Variants in SIK3 observed in about 807,000 individuals in gnomAD.
The protein encoded by SIK3 is serine/threonine-protein kinase SIK3.
Under a neutral mutation model 144.2 loss-of-function variants are expected in SIK3, and 28 were observed. That is an observed-to-expected ratio of 0.19 (90% CI 0.14 to 0.27). SIK3 has a LOEUF of 0.27. Ranked by LOEUF, SIK3 falls within the 10% of genes least tolerant of loss-of-function variation. SIK3 has a pLI of 1.00. For synonymous variants in SIK3, 686 were observed against 676.3 expected (o/e 1.01, Z -0.22); for missense variants, 1,319 against 1,776.0 (o/e 0.74, Z 4.62).
At chr11:117,041,775 T>C (rs1163587325) in intron 1 of SIK3, among the ~76,000 whole-genome samples, 1 of 152,192 alleles carries the variant, frequency 6.6e-6, no homozygotes, top group East Asian at 1.9e-4. Context: ...ACACAACTTT[T>C]AAGACTAAAC....
chr11:116,937,990 A>G (rs1948009426), intron 3 of SIK3, among the ~76,000 whole-genome samples: 1 of 152,086 alleles, frequency 6.6e-6, no homozygotes, highest in South Asian at 2.1e-4. Flanking sequence ...GGATCACTTG[A>G]GGCCAGGAGT....
rs142097571 is a variant in SIK3 at position 116,918,896 on chromosome 11, C to A, written c.616+8323G>T. On this transcript the variant is annotated intron_variant, in intron 4 of 24. Transcript: ENST00000445177. ...CAAATTTTCTTTTCCCAAGGGTCAA[C>A]GTGCAGGAAGGTTATTTAGAGCCGC... 6.8e-4 allele frequency among the ~76,000 whole-genome samples: 104 copies of A among 152,288 alleles called. 1 individual carries two copies. Among genetic ancestry groups the A allele is most frequent in the African/African-American group, 2.4e-3 (98 of 41,556 alleles).
At chr11:116,988,554 G>A (rs1328099084) in intron 1 of SIK3, among the ~76,000 whole-genome samples, 1 of 152,088 alleles carries the variant, frequency 6.6e-6, no homozygotes, top group Non-Finnish European at 1.5e-5. Context: ...GCCGAGGCAG[G>A]TGAATTGCTT....
chr11:116,870,055 A>T, intron 14 of SIK3: 1 of 1,345,596 alleles, frequency 7.4e-7, no homozygotes, highest in Non-Finnish European at 9.9e-7. Context: ...TGCAATATGA[A>T]GGCAGGGGAC....
intron 13 of SIK3, among the ~76,000 whole-genome samples, chr11:116,872,158 C>T (rs1944002674): frequency 6.6e-6 from 1 of 151,980 alleles, no homozygotes; most frequent in South Asian, 2.1e-4. Context: ...CCACAGACAC[C>T]AAGAACAGAA....
At chr11:116,958,259 T>G (rs754752503) in intron 1 of SIK3, among the ~76,000 whole-genome samples, 3 of 152,194 alleles carry the variant, frequency 2.0e-5, no homozygotes, top group Non-Finnish European at 2.9e-5. Context: ...AAATAAAGAC[T>G]GTTTGGAGCC....
chr11:116,932,566 T>C (rs2135181652), intron 3 of SIK3, among the ~76,000 whole-genome samples: 1 of 152,266 alleles, frequency 6.6e-6, no homozygotes, highest in South Asian at 2.1e-4. Flanking sequence ...AAACGGATCT[T>C]GCCTTTCCCC....
At chr11:116,886,098 G>A (rs1944802543) in intron 6 of SIK3, among the ~76,000 whole-genome samples, 2 of 152,152 alleles carry the variant, frequency 1.3e-5, no homozygotes, top group Admixed American at 6.5e-5. Flanking sequence ...TAATAAATAG[G>A]GCAGTACCAC....
At chr11:117,063,686 A>G (rs931597840) in intron 1 of SIK3, among the ~76,000 whole-genome samples, 2 of 150,068 alleles carry the variant, frequency 1.3e-5, no homozygotes, top group Non-Finnish European at 3.0e-5. Flanking sequence ...CCCGGGCCTC[A>G]GCCTCCCAAG....
chr11:116,859,168 C>T, intron 20 of SIK3, 97 bp downstream of exon 20: 1 of 1,133,498 alleles, frequency 8.8e-7, no homozygotes, highest in Non-Finnish European at 1.3e-6. Context: ...CCTAGTCAGA[C>T]CCATTCTCCT....
chr11:116,909,837 T>C (rs997294946), intron 4 of SIK3, among the ~76,000 whole-genome samples: 1 of 152,174 alleles, frequency 6.6e-6, no homozygotes, highest in African/African-American at 2.4e-5. Context: ...AATGAATGTA[T>C]CAGAACTCAG....
At chr11:116,974,397 C>A (rs2135481012) in intron 1 of SIK3, among the ~76,000 whole-genome samples, 1 of 152,242 alleles carries the variant, frequency 6.6e-6, no homozygotes, top group South Asian at 2.1e-4. Flanking sequence ...ATATAAAGAA[C>A]ACTTTGGAAC....
intron 4 of SIK3, among the ~76,000 whole-genome samples, chr11:116,917,943 A>G (rs1380581779): frequency 6.6e-6 from 1 of 152,174 alleles, no homozygotes; most frequent in East Asian, 1.9e-4. Context: ...AGATTTTTCA[A>G]AGCTGTCATT....
intron 1 of SIK3, among the ~76,000 whole-genome samples, chr11:116,996,029 TGGGTGC>T (rs1950652900): frequency 1.3e-5 from 2 of 152,114 alleles, no homozygotes; most frequent in South Asian, 4.1e-4. Flanking sequence ...AAATTCTGGC[TGGGTGC>T]AGTGGTTCAT....
At chr11:116,944,604 C>T (rs936605744) in intron 3 of SIK3, among the ~76,000 whole-genome samples, 1 of 152,216 alleles carries the variant, frequency 6.6e-6, no homozygotes, top group Non-Finnish European at 1.5e-5. Flanking sequence ...CTTGTATCCA[C>T]ATGGAAAGGA....
chr11:117,000,795 G>A (rs1001195273), intron 1 of SIK3, among the ~76,000 whole-genome samples: 1 of 152,148 alleles, frequency 6.6e-6, no homozygotes, highest in East Asian at 1.9e-4. Flanking sequence ...TGCCAGCATC[G>A]CTGGAAGGGA....
intron 6 of SIK3, among the ~76,000 whole-genome samples, chr11:116,883,584 T>C (rs1944657649): frequency 6.6e-6 from 1 of 152,226 alleles, no homozygotes. Context: ...TCAAACCTAT[T>C]TATTTAACAT....
Position 116,867,778 on chromosome 11 carries a change from T to TGCA in SIK3, c.1952+167_1952+168insTGC, listed in dbSNP as rs776030230. Reference sequence around the variant, plus strand: ...TTGCTCCAGGGCGCAGTAAAAAACCTTTGCCCTGTGCATTGCTTACTGCAA... The same window carrying TGCA: ...TTGCTCCAGGGCGCAGTAAAAAACCTGCATTGCCCTGTGCATTGCTTACTGCAA... On this transcript the variant is annotated intron_variant, in intron 15 of 24. Transcript: ENST00000445177. This position sits in a 1 kb window ranked among gnomAD's most constrained non-coding sequence, Gnocchi z 4.1. 1.2e-5 allele frequency: 7 copies of TGCA among 605,838 alleles called. No individual in the cohort carries two copies. The highest frequency in any genetic ancestry group is 3.6e-5 in the Admixed American group (1 of 27,806). 37.5% of individuals were successfully genotyped at this position (605,838 alleles called of 1,614,324 possible). A position where few individuals can be genotyped will look rare whatever the true frequency, so the allele number is the denominator to read the frequency against.
At chr11:116,940,860 A>G (rs1262404640) in intron 3 of SIK3, among the ~76,000 whole-genome samples, 1 of 152,124 alleles carries the variant, frequency 6.6e-6, no homozygotes, top group Non-Finnish European at 1.5e-5. Flanking sequence ...AGAACAAAAA[A>G]TGAATAATAA....
Sources: allele counts gnomAD v4.1 joint callset (sites outside exome capture counted in the v4.1 genomes callset), GRCh38; gene constraint gnomAD v4.1.1; non-coding constraint Gnocchi (gnomAD v3.1); transcripts MANE v1.5; gene names NCBI Gene and HGNC (gene_info 2026-07-23, HGNC 2026-07-21).